PRKG1: variants seen among roughly 807,000 people sequenced by gnomAD.
PRKG1 encodes protein kinase cGMP-dependent 1.
Under a neutral mutation model 88.1 loss-of-function variants are expected in PRKG1, and 35 were observed. That is an observed-to-expected ratio of 0.40 (90% CI 0.30 to 0.53). The LOEUF (loss-of-function observed/expected upper bound fraction) is 0.53, where lower values mean the gene tolerates loss of function less well. Ranked by LOEUF, PRKG1 falls within the 20% of genes least tolerant of loss-of-function variation. The pLI is 0.59. For synonymous variants in PRKG1, 303 were observed against 292.5 expected, an observed-to-expected ratio of 1.04 and a Z score of -0.37; for missense variants, 540 against 839.8, an observed-to-expected ratio of 0.64 and a Z score of 4.41.
intron 3 of PRKG1, among the ~76,000 whole-genome samples, chr10:51,752,648 G>C (rs1837756164): frequency 6.6e-6 from 1 of 152,034 alleles, no homozygotes; most frequent in South Asian, 2.1e-4. Flanking sequence ...ACCATACCAG[G>C]CCTGTTTTTG....
intron 5 of PRKG1, among the ~76,000 whole-genome samples, chr10:51,952,430 T>G (rs936358906): frequency 6.6e-6 from 1 of 152,324 alleles, no homozygotes; most frequent in East Asian, 1.9e-4. Context: ...CTGGGGGACT[T>G]TAGGCTCTTT....
intron 3 of PRKG1, among the ~76,000 whole-genome samples, chr10:51,779,522 T>C (rs781660604): frequency 5.9e-5 from 9 of 152,178 alleles, no homozygotes; most frequent in Non-Finnish European, 1.2e-4. Flanking sequence ...TAAAACAGTA[T>C]GTTTCCTTTA....
chr10:51,737,739 TA>T (rs1286995238), intron 3 of PRKG1, among the ~76,000 whole-genome samples: 1,189 of 113,008 alleles, frequency 0.011, 15 homozygotes, highest in African/African-American at 0.026. Context: ...ATTTATTTAT[TA>T]ATTATTATTA....
intron 1 of PRKG1, among the ~76,000 whole-genome samples, chr10:51,022,576 T>A (rs934377330): frequency 6.6e-6 from 1 of 152,176 alleles, no homozygotes; most frequent in South Asian, 2.1e-4. Context: ...AGACAACCTG[T>A]ACTCTCAGCT....
At chr10:51,246,548 G>A (rs894660319) in intron 2 of PRKG1, among the ~76,000 whole-genome samples, 10 of 150,610 alleles carry the variant, frequency 6.6e-5, no homozygotes, top group African/African-American at 2.4e-4. Flanking sequence ...AGCCCAAAAT[G>A]TTTACTTTCC....
intron 3 of PRKG1, among the ~76,000 whole-genome samples, chr10:51,507,242 G>A (rs943731538): frequency 1.3e-5 from 2 of 151,678 alleles, no homozygotes; most frequent in African/African-American, 4.9e-5. Flanking sequence ...CATGGCACAT[G>A]TATACATATG....
intron 1 of PRKG1, among the ~76,000 whole-genome samples, chr10:51,059,801 G>A (rs1355425435): frequency 6.6e-6 from 1 of 151,868 alleles, no homozygotes; most frequent in Non-Finnish European, 1.5e-5. Flanking sequence ...TTGAGATGAG[G>A]TGTTCTATGT....
intron 5 of PRKG1, among the ~76,000 whole-genome samples, chr10:51,940,064 G>C (rs12247989): frequency 0.063 from 9,624 of 151,870 alleles, 1,061 homozygotes; most frequent in African/African-American, 0.21. Context: ...GTCCCCACCA[G>C]AAACTTAAAG....
At chr10:52,177,785 G>A (rs1463354910) in intron 9 of PRKG1, among the ~76,000 whole-genome samples, 1 of 151,678 alleles carries the variant, frequency 6.6e-6, no homozygotes, top group African/African-American at 2.4e-5. Flanking sequence ...CTGGTGTATA[G>A]TTGCTTATAA....
At chr10:52,018,577 A>G (rs1032517376) in intron 5 of PRKG1, among the ~76,000 whole-genome samples, 2 of 152,312 alleles carry the variant, frequency 1.3e-5, no homozygotes, top group Admixed American at 1.3e-4. Context: ...ACAAACCCCA[A>G]AACAACACAG....
chr10:51,295,401 G>A (rs1451907190), intron 2 of PRKG1, among the ~76,000 whole-genome samples: 1 of 152,004 alleles, frequency 6.6e-6, no homozygotes, highest in Non-Finnish European at 1.5e-5. Flanking sequence ...TTATGAATGG[G>A]ATTGTTTTCT....
intron 1 of PRKG1, among the ~76,000 whole-genome samples, chr10:51,010,403 C>T (rs1264114795): frequency 6.6e-6 from 1 of 152,212 alleles, no homozygotes; most frequent in African/African-American, 2.4e-5. Flanking sequence ...CTATTTCAGA[C>T]AATGCTTTCC....
intron 1 of PRKG1, among the ~76,000 whole-genome samples, chr10:51,020,421 T>C (rs951884715): frequency 2.6e-5 from 4 of 152,222 alleles, no homozygotes; most frequent in Admixed American, 2.6e-4. Context: ...TTTAGCATCA[T>C]ACTATTTGCC....
intron 9 of PRKG1, among the ~76,000 whole-genome samples, chr10:52,248,161 T>C (rs1280809689): frequency 6.6e-6 from 1 of 152,222 alleles, no homozygotes; most frequent in African/African-American, 2.4e-5. Context: ...CAGGTGTTCC[T>C]GGCCCTCATT....
intron 2 of PRKG1, among the ~76,000 whole-genome samples, chr10:51,331,645 T>G (rs1458578434): frequency 1.3e-5 from 2 of 152,216 alleles, no homozygotes; most frequent in African/African-American, 4.8e-5. Context: ...ATTATTGTGC[T>G]GCAACTACAT....
rs1228492792 is a variant in PRKG1, at chr10:51,686,294, C to T, written c.593-118291C>T. On this transcript the variant is annotated intron_variant, in intron 3 of 17. Transcript: ENST00000373980. ...AAAAGGCATTTTTTTCTGATCCTCTCCCTCTTCACCCCCATCAAGTAGGCC... is the reference window on the plus strand; with the variant it reads ...AAAAGGCATTTTTTTCTGATCCTCTTCCTCTTCACCCCCATCAAGTAGGCC... Among the ~76,000 whole-genome samples the T allele has an allele frequency of 2.0e-5, 3 of 152,124 alleles. No homozygotes were observed. The East Asian group carries it at 5.8e-4, about 29-fold the overall frequency.
intron 2 of PRKG1, among the ~76,000 whole-genome samples, chr10:51,459,285 G>A (rs1353457272): frequency 6.6e-6 from 1 of 151,994 alleles, no homozygotes; most frequent in Non-Finnish European, 1.5e-5. Context: ...CATTTATTCT[G>A]GCAACAAATA....
At chr10:51,567,350 T>C (rs942249092) in intron 3 of PRKG1, among the ~76,000 whole-genome samples, 2 of 152,066 alleles carry the variant, frequency 1.3e-5, no homozygotes, top group Non-Finnish European at 2.9e-5. Context: ...CTGGGACCTT[T>C]CCCTGTCAAA....
chr10:51,018,412 G>A (rs1843096070), intron 1 of PRKG1, among the ~76,000 whole-genome samples: 1 of 152,086 alleles, frequency 6.6e-6, no homozygotes, highest in Admixed American at 6.6e-5. Context: ...CTCTAGTCAT[G>A]GATTAGTCAA....
Sources: allele counts gnomAD v4.1 joint callset (sites outside exome capture counted in the v4.1 genomes callset), GRCh38; gene constraint gnomAD v4.1.1; transcripts MANE v1.5; gene names NCBI Gene and HGNC (gene_info 2026-07-23, HGNC 2026-07-21).